The following PPP1R13B variants were observed in gnomAD, a reference collection of about 807,000 sequenced individuals.
PPP1R13B encodes the protein apoptosis-stimulating of p53 protein 1.
In PPP1R13B, 44 loss-of-function variants were observed where a neutral mutation model predicts 119.8. The observed-to-expected ratio is 0.37, with a 90% CI of 0.29 to 0.47. The LOEUF is 0.47. Among genes scored for constraint, PPP1R13B ranks in the 20% least tolerant of loss-of-function variants. PPP1R13B has a pLI of 0.99. For synonymous variants in PPP1R13B, 542 were observed against 561.5 expected (o/e 0.97, Z 0.49); for missense variants, 1,227 against 1,413.5 (o/e 0.87, Z 2.12).
At chr14:103,772,994 T>C (rs2152007033) in intron 4 of PPP1R13B, among the ~76,000 whole-genome samples, 1 of 152,336 alleles carries the variant, frequency 6.6e-6, no homozygotes, top group East Asian at 1.9e-4. Flanking sequence ...GGGTTGTTTG[T>C]TTTCTTATTA....
intron 1 of PPP1R13B, among the ~76,000 whole-genome samples, chr14:103,811,297 T>C (rs1369781762): frequency 1.3e-5 from 2 of 151,898 alleles, no homozygotes; most frequent in African/African-American, 4.8e-5. Context: ...AACAGAACAA[T>C]ATATAACAGT....
At chr14:103,820,262 C>G (rs1310033025) in intron 1 of PPP1R13B, among the ~76,000 whole-genome samples, 1 of 152,180 alleles carries the variant, frequency 6.6e-6, no homozygotes, top group Non-Finnish European at 1.5e-5. Context: ...CACAGGAAAG[C>G]CCCAGCTCCA....
chr14:103,786,608 T>C (rs1409085756), intron 2 of PPP1R13B, among the ~76,000 whole-genome samples: 1 of 151,302 alleles, frequency 6.6e-6, no homozygotes. Context: ...CTACTAAAAA[T>C]ACAAAAATTA....
chr14:103,748,277 A>G (rs1183908715), intron 8 of PPP1R13B, among the ~76,000 whole-genome samples: 1 of 152,210 alleles, frequency 6.6e-6, no homozygotes, highest in African/African-American at 2.4e-5. Context: ...CTGAAATCAT[A>G]AAGTTGTACA....
rs374196398 is a variant in PPP1R13B, at chr14:103,742,252, C to T, written c.1360G>A (p.Val454Ile). The part of the protein sequence containing the change: ...IGKVPPPIPG[V>I]GKQLPPSYGT... ...TAGCTTGGAGGCAGCTGCTTGCCTA[C>T]ACCCGGGATGGGAGGTGGCACTTTA... Residue 454 changes from valine (V) to isoleucine (I), a missense_variant, in exon 11 of 17, where the codon GTA (valine) becomes ATA (isoleucine). By Grantham distance (29) the Val-to-Ile change is conservative (BLOSUM62 3). Transcript: ENST00000202556. The surrounding 1 kb of genome is among the most constrained non-coding windows in gnomAD (Gnocchi z 4.9). The T allele has an allele frequency of 3.2e-6, 5 of 1,582,894 alleles. No individual in the cohort carries two copies. The highest frequency in any genetic ancestry group is 2.7e-5 in the African/African-American group (2 of 74,488).
At chr14:103,759,329 A>ATTTTTT (rs11286571) in intron 4 of PPP1R13B, 1 of 129,532 alleles carries the variant, frequency 7.7e-6, no homozygotes, top group Non-Finnish European at 1.7e-5. Flanking sequence ...ACGGTACAAG[A>ATTTTTT]TTTTTTTTTT....
rs779343790 is a variant in PPP1R13B, at chr14:103,735,990, C to T, written c.3231+13G>A. 10 of 1,613,840 alleles carry T rather than the reference C, an allele frequency of 6.2e-6. No homozygotes were observed. Among genetic ancestry groups the T allele is most frequent in the African/African-American group, 5.3e-5 (4 of 74,930 alleles). ...GGGCAGCTAGTTTCCCAGTAAGTAACCTGAGTGCTCACCCCCAGCAGGTTT... is the reference window on the plus strand; with the variant it reads ...GGGCAGCTAGTTTCCCAGTAAGTAATCTGAGTGCTCACCCCCAGCAGGTTT... On this transcript the variant is annotated intron_variant, in intron 16 of 16. Transcript: ENST00000202556.
chr14:103,814,685 C>T (rs964302865), intron 1 of PPP1R13B, among the ~76,000 whole-genome samples: 1 of 152,148 alleles, frequency 6.6e-6, no homozygotes, highest in Non-Finnish European at 1.5e-5. Flanking sequence ...GTGGCTCACG[C>T]CTGTAATCCC....
Position 103,733,928 on chromosome 14 carries a change from C to T in PPP1R13B, c.*1226G>A, listed in dbSNP as rs114219403. On this transcript the variant is annotated 3_prime_UTR_variant, in exon 17 of 17. Transcript: ENST00000202556. Reference sequence around the variant, plus strand: ...ACAGTGCTGCATCAGTGAGTCTGTACACACATTTTTACATAAATTACACAC... The same window carrying T: ...ACAGTGCTGCATCAGTGAGTCTGTATACACATTTTTACATAAATTACACAC... The T allele has an allele frequency of 4.4e-3, 687 of 156,872 alleles. 5 individuals are homozygous for T. Among genetic ancestry groups the T allele is most frequent in the African/African-American group, 0.016 (658 of 41,550 alleles). 9.7% of individuals were successfully genotyped at this position (156,872 alleles called of 1,614,324 possible).
intron 4 of PPP1R13B, among the ~76,000 whole-genome samples, chr14:103,777,223 C>G (rs1275798854): frequency 6.6e-6 from 1 of 152,052 alleles, no homozygotes; most frequent in Non-Finnish European, 1.5e-5. Context: ...GAACTCCTGA[C>G]CTCAGGTGAT....
chr14:103,771,475 C>CT (rs57795299), intron 4 of PPP1R13B, among the ~76,000 whole-genome samples: 7,475 of 97,026 alleles, frequency 0.077, 412 homozygotes, highest in African/African-American at 0.099. Flanking sequence ...ACTAACACTT[C>CT]TTTTTTTTTT....
At chr14:103,825,420 T>C (rs991254875) in intron 1 of PPP1R13B, among the ~76,000 whole-genome samples, 5 of 152,224 alleles carry the variant, frequency 3.3e-5, no homozygotes, top group African/African-American at 1.2e-4. Context: ...CTGAAAGCTA[T>C]GTCTCTTGCC....
intron 1 of PPP1R13B, among the ~76,000 whole-genome samples, chr14:103,821,284 T>C (rs533029534): frequency 6.6e-6 from 1 of 152,314 alleles, no homozygotes; most frequent in African/African-American, 2.4e-5. Context: ...CGACATACCA[T>C]ATTCTCTCAA....
chr14:103,804,625 C>T (rs1426383638), intron 1 of PPP1R13B, among the ~76,000 whole-genome samples: 1 of 151,990 alleles, frequency 6.6e-6, no homozygotes, highest in African/African-American at 2.4e-5. Context: ...GTCCCACCTA[C>T]TCGGGACACT....
intron 1 of PPP1R13B, among the ~76,000 whole-genome samples, chr14:103,825,833 G>A (rs1350631789): frequency 7.2e-6 from 1 of 138,740 alleles, no homozygotes; most frequent in Admixed American, 7.5e-5. Context: ...TGTAGACAGT[G>A]ATTTTTTCTT....
At chr14:103,778,568 T>A (rs2085265354) in intron 4 of PPP1R13B, 177 bp downstream of exon 4, 2 of 589,432 alleles carry the variant, frequency 3.4e-6, no homozygotes, top group Admixed American at 3.0e-5. Context: ...CTCATCTGAT[T>A]AATTTTTTAA....
chr14:103,733,253 TG>T lies in PPP1R13B; in HGVS notation c.*1900del, dbSNP rs112502838. ...AATTTGTGTATTGTCAATACTTAAT[TG>T]GGGGTGGGAGAGACTGAGCTACACT... On this transcript the variant is annotated 3_prime_UTR_variant, in exon 17 of 17. Transcript: ENST00000202556. The T allele has an allele frequency of 0.056, 30,852 of 548,862 alleles. 1,082 individuals are homozygous for T. Among genetic ancestry groups the T allele is most frequent in the African/African-American group, 0.12 (6,114 of 52,712 alleles). 34.0% of individuals were successfully genotyped at this position (548,862 alleles called of 1,614,324 possible). A position where few individuals can be genotyped will look rare whatever the true frequency, so the allele number is the denominator to read the frequency against.
rs775532323 is a variant in PPP1R13B at position 103,736,034 on chromosome 14, C to A, written c.3200G>T (p.Arg1067Leu). The A allele has an allele frequency of 5.0e-6, 8 of 1,614,202 alleles. No individual in the cohort carries two copies. The highest frequency in any genetic ancestry group is 6.8e-6 in the Non-Finnish European group (8 of 1,180,030). The change falls in exon 16 of 17, where the codon CGG (arginine) becomes CTG (leucine). Residue 1067 changes from arginine (R) to leucine (L), a missense_variant. Physicochemically the swap from Arg to Leu is moderately radical, Grantham distance 102. Coordinates refer to ENST00000202556, the MANE Select transcript of PPP1R13B (RefSeq NM_015316.3). ...TEWWWARLGD[R>L]EGYVPKNLLG... is the part of the protein sequence containing the mutation. ...CAGGTTTTTGGGCACATAGCCCTCC[C>A]GGTCTCCAAGGCGAGCCCACCACCA...
chr14:103,831,420 G>C (rs1341045999), intron 1 of PPP1R13B, among the ~76,000 whole-genome samples: 1 of 148,352 alleles, frequency 6.7e-6, no homozygotes, highest in Non-Finnish European at 1.5e-5. Flanking sequence ...AGTGATTCTC[G>C]TATCTCAGCC....
Sources: allele counts gnomAD v4.1 joint callset (sites outside exome capture counted in the v4.1 genomes callset), GRCh38; gene constraint gnomAD v4.1.1; non-coding constraint Gnocchi (gnomAD v3.1); transcripts MANE v1.5; gene names NCBI Gene and HGNC (gene_info 2026-07-23, HGNC 2026-07-21).